The following NECAB1 variants were observed in gnomAD, a reference collection of about 807,000 sequenced individuals.
NECAB1 encodes N-terminal EF-hand calcium-binding protein 1.
A neutral mutation model predicts 57.5 loss-of-function variants in NECAB1; 29 were observed. The ratio of observed to expected loss-of-function variants is 0.50; its 90% CI spans 0.38 to 0.69. The LOEUF (loss-of-function observed/expected upper bound fraction) is 0.69, where lower values mean the gene tolerates loss of function less well. NECAB1 is among the 30% of genes least tolerant of loss of function. NECAB1 has a pLI of 0.00. For missense variants in NECAB1, 372 were observed against 413.8 expected (o/e 0.90, Z 0.88); for synonymous variants, 142 against 147.7 (o/e 0.96, Z 0.28).
chr8:90,904,282 A>C (rs1668924908), intron 5 of NECAB1, among the ~76,000 whole-genome samples: 1 of 152,140 alleles, frequency 6.6e-6, no homozygotes, highest in African/African-American at 2.4e-5. Flanking sequence ...AAAAATCTCA[A>C]AACATACTTC....
rs1287320206 is a variant in NECAB1, at chr8:90,798,846, T to A, written c.100-2845T>A. Among the ~76,000 whole-genome samples, 4 of 152,194 alleles carry A rather than the reference T, an allele frequency of 2.6e-5. No homozygotes were observed. In the East Asian group the frequency reaches 5.8e-4, roughly 22 times the overall value. ...CGGGATTGCAGAGTCAAATGGTAGT[T>A]CTGTTTTAAGTTCTCTGAGAAATCT... On this transcript the variant is annotated intron_variant, in intron 1 of 12. Coordinates refer to ENST00000417640, the MANE Select transcript of NECAB1 (RefSeq NM_022351.5).
At chr8:90,884,984 T>G (rs1808938685) in intron 5 of NECAB1, among the ~76,000 whole-genome samples, 1 of 152,162 alleles carries the variant, frequency 6.6e-6, no homozygotes, top group African/African-American at 2.4e-5. Context: ...GAGGAACATA[T>G]TCTCTCATAT....
chr8:90,866,066 G>A (rs149895565), intron 3 of NECAB1, among the ~76,000 whole-genome samples: 151 of 152,276 alleles, frequency 9.9e-4, no homozygotes, highest in African/African-American at 3.0e-3. Flanking sequence ...TGCAAGGTCA[G>A]ATATTTGATC....
chr8:90,948,727 T>C (rs902889135), intron 10 of NECAB1, among the ~76,000 whole-genome samples: 3 of 152,318 alleles, frequency 2.0e-5, no homozygotes, highest in Admixed American at 2.0e-4. Context: ...GTCTCTATTG[T>C]TTCAAAATTA....
intron 12 of NECAB1, among the ~76,000 whole-genome samples, chr8:90,952,265 C>T (rs1478924489): frequency 1.3e-5 from 2 of 151,284 alleles, no homozygotes; most frequent in African/African-American, 2.4e-5. Flanking sequence ...GAGTTTGGGA[C>T]TCCAGTTGCA....
rs1163804585 is a variant in NECAB1 at position 90,791,927 on chromosome 8, C to G, written c.41C>G (p.Ser14Cys). The change falls in exon 1 of 13, where the codon TCC (serine) becomes TGC (cysteine). Residue 14 changes from serine (S) to cysteine (C), a missense_variant. By Grantham distance (112) the Ser-to-Cys change is moderately radical (BLOSUM62 -1). Transcript: ENST00000417640. ...SQETSPSSNN[S>C]SEELSSALHL... ...GAGACATCGCCGTCCTCCAACAACT[C>G]CTCGGAGGAGCTCAGCTCTGCTCTG... 2 of 1,552,560 alleles carry G rather than the reference C, an allele frequency of 1.3e-6. No individual in the cohort carries two copies. The highest frequency in any genetic ancestry group is 2.4e-5 in the East Asian group (1 of 40,976).
At chr8:90,812,362 T>G (rs908958682) in intron 2 of NECAB1, among the ~76,000 whole-genome samples, 1 of 152,208 alleles carries the variant, frequency 6.6e-6, no homozygotes, top group Non-Finnish European at 1.5e-5. Context: ...TAAATAGAAG[T>G]GTTTTTTTCT....
intron 2 of NECAB1, among the ~76,000 whole-genome samples, chr8:90,818,708 T>G (rs984391638): frequency 6.6e-6 from 1 of 151,922 alleles, no homozygotes; most frequent in African/African-American, 2.4e-5. Flanking sequence ...TATTGAGGTA[T>G]GAGTTTGGTT....
intron 1 of NECAB1, 64 bp downstream of exon 1, chr8:90,792,049 G>A: frequency 1.5e-6 from 2 of 1,358,446 alleles, no homozygotes; most frequent in Non-Finnish European, 2.0e-6. Context: ...CCGAAAGGAA[G>A]GGGTTCGGCT....
At chr8:90,797,974 C>G (rs1811690495) in intron 1 of NECAB1, among the ~76,000 whole-genome samples, 1 of 152,100 alleles carries the variant, frequency 6.6e-6, no homozygotes, top group Admixed American at 6.5e-5. Context: ...ATAGAATGTA[C>G]CCTCCACAGT....
intron 1 of NECAB1, among the ~76,000 whole-genome samples, chr8:90,793,512 C>T (rs1265118341): frequency 1.3e-5 from 2 of 152,144 alleles, no homozygotes; most frequent in African/African-American, 4.8e-5. Flanking sequence ...TATTGGTGCT[C>T]ATGGCTTAAC....
In NECAB1 at chr8:90,956,547, A is replaced by G. The variant is rs1405550799; in HGVS notation, c.*1035A>G. The G allele has an allele frequency of 6.6e-6, 1 of 151,904 alleles. No homozygotes were observed. Among genetic ancestry groups the G allele is most frequent in the Non-Finnish European group, 1.5e-5 (1 of 67,898 alleles). The allele number at this position is 151,904 out of a possible 1,614,324, so 9.4% of individuals were successfully genotyped here. On this transcript the variant is annotated 3_prime_UTR_variant, in exon 13 of 13. Transcript: ENST00000417640. ...TAGTATACTATCTACACTCTGCTCA[A>G]CAAGCTCAGAAATTAAATATTTTTA...
chr8:90,870,435 C>G (rs948854628), intron 3 of NECAB1, among the ~76,000 whole-genome samples: 1 of 152,090 alleles, frequency 6.6e-6, no homozygotes, highest in African/African-American at 2.4e-5. Flanking sequence ...GTTCCATTCT[C>G]TCATTATTGA....
At chr8:90,831,186 A>AGGT (rs1812293385) in intron 3 of NECAB1, among the ~76,000 whole-genome samples, 1 of 152,158 alleles carries the variant, frequency 6.6e-6, no homozygotes, top group South Asian at 2.1e-4. Flanking sequence ...GCAAATACTC[A>AGGT]GAGAAACTGC....
At chr8:90,804,794 C>T (rs1441000202) in intron 2 of NECAB1, among the ~76,000 whole-genome samples, 1 of 152,152 alleles carries the variant, frequency 6.6e-6, no homozygotes, top group East Asian at 1.9e-4. Flanking sequence ...GAAGCAGAGT[C>T]AGGCAGTTTG....
intron 5 of NECAB1, among the ~76,000 whole-genome samples, 169 bp downstream of exon 5, chr8:90,881,299 A>G (rs576360393): frequency 2.0e-5 from 3 of 152,338 alleles, no homozygotes; most frequent in South Asian, 2.1e-4. Context: ...TATAAACACT[A>G]TATGCTAAAG....
intron 3 of NECAB1, among the ~76,000 whole-genome samples, chr8:90,851,627 A>C (rs1812685448): frequency 6.6e-6 from 1 of 152,184 alleles, no homozygotes; most frequent in Non-Finnish European, 1.5e-5. Flanking sequence ...TTTAGTTTTT[A>C]GAGCAGGTTT....
At chr8:90,940,563 A>T in intron 9 of NECAB1, 2 of 477,308 alleles carry the variant, frequency 4.2e-6, no homozygotes, top group East Asian at 3.2e-5. Context: ...GTCATTGTAA[A>T]GAACACGTTG....
chr8:90,879,223 C>T (rs1263836352), intron 4 of NECAB1, among the ~76,000 whole-genome samples: 1 of 138,652 alleles, frequency 7.2e-6, no homozygotes, highest in Non-Finnish European at 1.5e-5. Context: ...AATGTCTCAT[C>T]TGTAGCCCAG....
Sources: gnomAD v4.1 joint callset for allele counts (sites outside exome capture counted in the v4.1 genomes callset) on GRCh38, gnomAD v4.1.1 for gene constraint, MANE v1.5 for transcripts, NCBI Gene and HGNC (gene_info 2026-07-23, HGNC 2026-07-21) for gene names.